The following GALNT13 variants were observed in gnomAD, a reference collection of about 807,000 sequenced individuals.
GALNT13 encodes the protein UDP-GalNAc:polypeptide N-acetylgalactosaminyltransferase 13.
Under a neutral mutation model 64.2 loss-of-function variants are expected in GALNT13, and 28 were observed. That is an observed-to-expected ratio of 0.44 (90% CI 0.32 to 0.60). The LOEUF is 0.60. Among genes scored for constraint, GALNT13 ranks in the 20% least tolerant of loss-of-function variants. GALNT13 has a pLI of 0.05. For synonymous variants in GALNT13, 214 were observed against 224.6 expected, an observed-to-expected ratio of 0.95 and a Z score of 0.42; for missense variants, 577 against 669.8, an observed-to-expected ratio of 0.86 and a Z score of 1.53.
At chr2:154,395,846 T>C in intron 9 of GALNT13, 145 bp from the exon 10 acceptor site, 3 of 585,752 alleles carry the variant, frequency 5.1e-6, no homozygotes, top group Non-Finnish European at 8.4e-6. Context: ...TCGATGGTAG[T>C]AAAAATCCAG....
chr2:153,111,366 A>G, the GALNT13 span, among the ~76,000 whole-genome samples: 6 of 152,082 alleles, frequency 3.9e-5, no homozygotes, highest in African/African-American at 1.4e-4. Flanking sequence ...GCTTTATTCT[A>G]ATCTCTTGAT....
chr2:153,431,391 A>T, the GALNT13 span, among the ~76,000 whole-genome samples: 1 of 151,344 alleles, frequency 6.6e-6, no homozygotes, highest in Admixed American at 6.6e-5. Context: ...CTTTCAGCTA[A>T]TAAATGACCA....
intron 8 of GALNT13, among the ~76,000 whole-genome samples, chr2:154,289,567 A>G (rs535640889): frequency 6.6e-6 from 1 of 152,306 alleles, no homozygotes; most frequent in African/African-American, 2.4e-5. Context: ...TCAAGAGAAC[A>G]GCACAGGAAA....
chr2:153,605,287 A>G, the GALNT13 span, among the ~76,000 whole-genome samples: 3 of 152,118 alleles, frequency 2.0e-5, no homozygotes, highest in East Asian at 3.9e-4. Flanking sequence ...GATTGACTCT[A>G]GACCAAAATT....
chr2:153,866,827 A>G, the GALNT13 span, among the ~76,000 whole-genome samples: 3 of 152,310 alleles, frequency 2.0e-5, no homozygotes, highest in East Asian at 5.8e-4. Context: ...TAGGTTTATC[A>G]TCATAAATGA....
Position 154,013,449 on chromosome 2 carries a change from C to T in GALNT13, c.142+68810C>T, listed in dbSNP as rs190643299. Among the ~76,000 whole-genome samples the T allele has an allele frequency of 7.3e-3, 1,106 of 152,214 alleles. 13 individuals are homozygous for T. Among genetic ancestry groups the T allele is most frequent in the African/African-American group, 0.025 (1,057 of 41,534 alleles). Reference sequence around the variant, plus strand: ...CTGAAGCGCTTCGTAGGGTTGTTGGCAGTGGTATCAGTGCTCACCTGTGCT... The same window carrying T: ...CTGAAGCGCTTCGTAGGGTTGTTGGTAGTGGTATCAGTGCTCACCTGTGCT... On this transcript the variant is annotated intron_variant, in intron 3 of 12. Coordinates refer to ENST00000392825, the MANE Select transcript of GALNT13 (RefSeq NM_052917.4).
chr2:153,949,377 T>G (rs1042099698), intron 3 of GALNT13, among the ~76,000 whole-genome samples: 1 of 151,888 alleles, frequency 6.6e-6, no homozygotes, highest in Non-Finnish European at 1.5e-5. Flanking sequence ...ATCTAGAGTA[T>G]TAGATAAAAT....
intron 9 of GALNT13, among the ~76,000 whole-genome samples, chr2:154,388,421 G>C (rs1246017493): frequency 6.6e-6 from 1 of 151,990 alleles, no homozygotes; most frequent in Non-Finnish European, 1.5e-5. Context: ...GTCCATTTTT[G>C]CTTTTGTTGC....
chr2:154,388,793 C>T (rs1698638239), intron 9 of GALNT13, among the ~76,000 whole-genome samples: 1 of 152,050 alleles, frequency 6.6e-6, no homozygotes, highest in Non-Finnish European at 1.5e-5. Context: ...AGTCCACTTT[C>T]TATTTGGAAT....
the GALNT13 span, among the ~76,000 whole-genome samples, chr2:153,674,308 A>G: frequency 6.6e-6 from 1 of 152,214 alleles, no homozygotes; most frequent in Non-Finnish European, 1.5e-5. Flanking sequence ...ATTATATGAC[A>G]AGCCTACAGT....
chr2:153,549,631 G>A, the GALNT13 span, among the ~76,000 whole-genome samples: 2 of 152,168 alleles, frequency 1.3e-5, no homozygotes, highest in Non-Finnish European at 2.9e-5. Context: ...CCCTCACAGT[G>A]TCAGAGGCCA....
At chr2:153,528,401 C>G in the GALNT13 span, among the ~76,000 whole-genome samples, 2 of 151,910 alleles carry the variant, frequency 1.3e-5, no homozygotes, top group Non-Finnish European at 2.9e-5. Flanking sequence ...TATATATGCA[C>G]TCAACATGGG....
chr2:153,507,477 C>T, the GALNT13 span, among the ~76,000 whole-genome samples: 5 of 152,020 alleles, frequency 3.3e-5, no homozygotes, highest in Admixed American at 6.6e-5. Context: ...GATGGGATCT[C>T]ACCATATTGG....
chr2:154,033,014 A>G (rs1242330835), intron 3 of GALNT13, among the ~76,000 whole-genome samples: 8 of 151,910 alleles, frequency 5.3e-5, no homozygotes, highest in South Asian at 2.1e-4. Context: ...TGCGAAAGAT[A>G]CAGTCACAGA....
At chr2:153,408,243 C>A in the GALNT13 span, among the ~76,000 whole-genome samples, 1 of 151,974 alleles carries the variant, frequency 6.6e-6, no homozygotes, top group Non-Finnish European at 1.5e-5. Context: ...AGGGAGCTGA[C>A]TTCTGGTTGC....
At chr2:154,301,378 C>T in intron 8 of GALNT13, 31 bp from the exon 9 acceptor site, 5 of 1,563,056 alleles carry the variant, frequency 3.2e-6, no homozygotes, top group Non-Finnish European at 4.4e-6. Context: ...AATATTATTG[C>T]ATTATTTACA....
the GALNT13 span, among the ~76,000 whole-genome samples, chr2:153,257,588 C>A: frequency 6.6e-6 from 1 of 152,056 alleles, no homozygotes; most frequent in South Asian, 2.1e-4. Context: ...CTGACTTTTC[C>A]CTTAAAAGTT....
At chr2:154,133,920 C>T (rs933252465) in intron 3 of GALNT13, among the ~76,000 whole-genome samples, 1 of 152,072 alleles carries the variant, frequency 6.6e-6, no homozygotes, top group Admixed American at 6.6e-5. Flanking sequence ...TTCTCATGAG[C>T]AAATGGCTCT....
At chr2:153,966,780 C>G (rs906108938) in intron 3 of GALNT13, among the ~76,000 whole-genome samples, 19 of 151,804 alleles carry the variant, frequency 1.3e-4, no homozygotes, top group African/African-American at 4.4e-4. Context: ...CCTGGTTATT[C>G]GTGTTTTTTC....
Sources: allele counts gnomAD v4.1 joint callset (sites outside exome capture counted in the v4.1 genomes callset), GRCh38; gene constraint gnomAD v4.1.1; transcripts MANE v1.5; gene names NCBI Gene and HGNC (gene_info 2026-07-23, HGNC 2026-07-21).